Variants in PAQR5 observed in about 807,000 individuals in gnomAD.
The protein encoded by PAQR5 is membrane progestin receptor gamma.
In PAQR5, 20 loss-of-function variants were observed where a neutral mutation model predicts 34.5. The ratio of observed to expected loss-of-function variants is 0.58; its 90% CI spans 0.41 to 0.84. PAQR5 has a LOEUF of 0.84. Among genes scored for constraint, PAQR5 ranks in the 40% least tolerant of loss-of-function variants. The pLI, the probability that PAQR5 is intolerant of heterozygous loss-of-function variation, is 0.00. For synonymous variants in PAQR5, 131 were observed against 155.6 expected (o/e 0.84, Z 1.18); for missense variants, 378 against 412.7 (o/e 0.92, Z 0.73).
chr15:69,304,373 G>A lies in PAQR5; in HGVS notation c.-277+5317G>A, dbSNP rs577369410. Among the ~76,000 whole-genome samples, 8 of 152,332 alleles carry A rather than the reference G, an allele frequency of 5.3e-5. No individual in the cohort carries two copies. The East Asian group carries it at 1.2e-3, about 22-fold the overall frequency. On this transcript the variant is annotated intron_variant, in intron 1 of 8. Coordinates refer to ENST00000395407, the MANE Select transcript of PAQR5 (RefSeq NM_017705.4). ...TGTTCATAAATAATGGGATTGCACC[G>A]TCAGCTCTGATGCCCTGGTGTCTGG...
intron 3 of PAQR5, among the ~76,000 whole-genome samples, chr15:69,367,561 G>T (rs1159571037): frequency 6.6e-6 from 1 of 152,164 alleles, no homozygotes; most frequent in Non-Finnish European, 1.5e-5. Context: ...AGCCTCCAAG[G>T]TCATCCCAGA....
chr15:69,402,948 T>G (rs112784967), intron 8 of PAQR5, among the ~76,000 whole-genome samples: 12 of 152,372 alleles, frequency 7.9e-5, no homozygotes, highest in African/African-American at 2.6e-4. Context: ...GGGCACCATG[T>G]GAGCTGGGTC....
chr15:69,385,010 C>A lies in PAQR5; in HGVS notation c.385+128C>A. 1.5e-6 allele frequency: 1 copy of A among 668,794 alleles called. No individual in the cohort carries two copies. The highest frequency in any genetic ancestry group is 2.7e-5 in the Admixed American group (1 of 37,172). The allele number at this position is 668,794 out of a possible 1,614,324, so 41.4% of individuals were successfully genotyped here. ...GAATCCAGGGATTATGCCAGTGCCC[C>A]TGTCCAGGTTCCCAATGGGTGTTTT... On this transcript the variant is annotated intron_variant, in intron 5 of 8. Coordinates refer to ENST00000395407, the MANE Select transcript of PAQR5 (RefSeq NM_017705.4). The surrounding 1 kb of genome is among the most constrained non-coding windows in gnomAD (Gnocchi z 4.7).
At chr15:69,336,035 AAGG>A (rs1471184824) in intron 1 of PAQR5, among the ~76,000 whole-genome samples, 1 of 152,312 alleles carries the variant, frequency 6.6e-6, no homozygotes, top group South Asian at 2.1e-4. Context: ...CAGGAAAAAA[AAGG>A]AGGAGAGAGA....
At chr15:69,390,344 A>T (rs1217010925) in intron 6 of PAQR5, among the ~76,000 whole-genome samples, 130 of 119,036 alleles carry the variant, frequency 1.1e-3, no homozygotes, top group Admixed American at 4.0e-3. Context: ...TTATTTATTT[A>T]TTTATTTATT....
At chr15:69,394,819 A>G (rs2056369719) in intron 6 of PAQR5, among the ~76,000 whole-genome samples, 1 of 152,200 alleles carries the variant, frequency 6.6e-6, no homozygotes, top group Non-Finnish European at 1.5e-5. Context: ...GCAACTTGGT[A>G]GCGGACGGCC....
rs2056746068 is a variant in PAQR5, at chr15:69,406,001, A to C, written c.*2179A>C. The C allele has an allele frequency of 6.6e-6, 1 of 152,264 alleles. No individual in the cohort carries two copies. The highest frequency in any genetic ancestry group is 2.1e-4 in the South Asian group (1 of 4,836). 9.4% of individuals were successfully genotyped at this position (152,264 alleles called of 1,614,324 possible). A position where few individuals can be genotyped will look rare whatever the true frequency, so the allele number is the denominator to read the frequency against. ...GGTTCAAATATATTAATTATCATTA[A>C]GTATTAAATAATAGGCATTAGATGT... On this transcript the variant is annotated 3_prime_UTR_variant, in exon 9 of 9. Coordinates refer to ENST00000395407, the MANE Select transcript of PAQR5 (RefSeq NM_017705.4).
rs565774361 is a variant in PAQR5 at position 69,398,626 on chromosome 15, G to A, written c.609+1062G>A. 4.6e-5 allele frequency among the ~76,000 whole-genome samples: 7 copies of A among 152,318 alleles called. No homozygotes were observed. In the South Asian group the frequency reaches 6.2e-4, roughly 14 times the overall value. On this transcript the variant is annotated intron_variant, in intron 7 of 8. Transcript: ENST00000395407. Reference sequence around the variant, plus strand: ...ACCCAGCAGCTGGGGCATTGAGCACGTTCTCTGTGCTCTGCCTCTGTGGGT... The same window carrying A: ...ACCCAGCAGCTGGGGCATTGAGCACATTCTCTGTGCTCTGCCTCTGTGGGT...
intron 2 of PAQR5, among the ~76,000 whole-genome samples, chr15:69,355,453 C>T (rs189649094): frequency 1.3e-5 from 2 of 150,236 alleles, no homozygotes; most frequent in Admixed American, 1.3e-4. Context: ...CAGAGTCTCA[C>T]TCTGTTGCCC....
At chr15:69,344,025 G>C (rs2054704647) in intron 2 of PAQR5, among the ~76,000 whole-genome samples, 1 of 152,018 alleles carries the variant, frequency 6.6e-6, no homozygotes, top group Non-Finnish European at 1.5e-5. Flanking sequence ...GTAGAGATGG[G>C]GTTTCACCAA....
intron 1 of PAQR5, among the ~76,000 whole-genome samples, chr15:69,308,022 T>A (rs779194263): frequency 6.6e-6 from 1 of 152,056 alleles, no homozygotes; most frequent in African/African-American, 2.4e-5. Context: ...CATTGACAAG[T>A]GTGAAAAGGC....
intron 3 of PAQR5, among the ~76,000 whole-genome samples, chr15:69,370,003 T>G (rs1169447546): frequency 6.6e-6 from 1 of 152,196 alleles, no homozygotes; most frequent in Non-Finnish European, 1.5e-5. Flanking sequence ...TACTTTTGTG[T>G]GATTTTTGCT....
chr15:69,332,779 TAAAAAAAAAAAA>T (rs56280711), intron 1 of PAQR5, among the ~76,000 whole-genome samples: 2 of 59,812 alleles, frequency 3.3e-5, no homozygotes, highest in African/African-American at 7.1e-5. Flanking sequence ...CTAAATCTTG[TAAAAAAAAAAAA>T]AAAAAAAAAA....
At chr15:69,318,436 G>A (rs183777976) in intron 1 of PAQR5, among the ~76,000 whole-genome samples, 25 of 152,304 alleles carry the variant, frequency 1.6e-4, no homozygotes, top group Admixed American at 4.6e-4. Flanking sequence ...TTACCTGCTC[G>A]TGGTCCACTG....
Position 69,302,920 on chromosome 15 carries a change from A to G in PAQR5, c.-277+3864A>G, listed in dbSNP as rs539961736. The stretch of plus-strand genomic sequence containing the variant: ...TCTCTAAGCTGGACTAATCCTTAGC[A>G]GCCATGTCCCCCTGCTTCTTCTTTG... On this transcript the variant is annotated intron_variant, in intron 1 of 8. Coordinates refer to ENST00000395407, the MANE Select transcript of PAQR5 (RefSeq NM_017705.4). Among the ~76,000 whole-genome samples the G allele has an allele frequency of 4.2e-4, 64 of 152,320 alleles. 1 individual carries two copies. The highest frequency in any genetic ancestry group is 4.2e-3 in the Admixed American group (64 of 15,298).
At chr15:69,366,511 A>G (rs2055406653) in intron 3 of PAQR5, among the ~76,000 whole-genome samples, 1 of 152,184 alleles carries the variant, frequency 6.6e-6, no homozygotes, top group Non-Finnish European at 1.5e-5. Context: ...CATGCTTCCA[A>G]GTATATGGAG....
intron 2 of PAQR5, among the ~76,000 whole-genome samples, chr15:69,346,788 A>G (rs1035875309): frequency 2.3e-5 from 3 of 128,350 alleles, no homozygotes; most frequent in Non-Finnish European, 5.0e-5. Context: ...CACCTGGCTA[A>G]TTTTTGTATT....
chr15:69,407,295 C>G lies in PAQR5; in HGVS notation c.*3473C>G, dbSNP rs1194904718. On this transcript the variant is annotated 3_prime_UTR_variant, in exon 9 of 9. Coordinates refer to ENST00000395407, the MANE Select transcript of PAQR5 (RefSeq NM_017705.4). Reference sequence around the variant, plus strand: ...GGGACTACAGGTGCATGCCACCAAGCCTGGCTAACTTTTTGTAGAGATAGG... The same window carrying G: ...GGGACTACAGGTGCATGCCACCAAGGCTGGCTAACTTTTTGTAGAGATAGG... 1.3e-5 allele frequency: 2 copies of G among 152,078 alleles called. No homozygotes were observed. The highest frequency in any genetic ancestry group is 2.9e-5 in the Non-Finnish European group (2 of 68,006). The allele number at this position is 152,078 out of a possible 1,614,324, so 9.4% of individuals were successfully genotyped here. A position where few individuals can be genotyped will look rare whatever the true frequency, so the allele number is the denominator to read the frequency against.
At chr15:69,389,569 G>A in intron 5 of PAQR5, 85 bp from the exon 6 acceptor site, 1 of 1,567,478 alleles carries the variant, frequency 6.4e-7, no homozygotes, top group Non-Finnish European at 8.7e-7. Context: ...TAAGGGCCAA[G>A]CCAGATGCTG....
Sources: allele counts gnomAD v4.1 joint callset (sites outside exome capture counted in the v4.1 genomes callset), GRCh38; gene constraint gnomAD v4.1.1; non-coding constraint Gnocchi (gnomAD v3.1); transcripts MANE v1.5; gene names NCBI Gene and HGNC (gene_info 2026-07-23, HGNC 2026-07-21).